Variants in CDH13 observed in about 807,000 individuals in gnomAD.
CDH13 encodes the protein cadherin 13.
A neutral mutation model predicts 63.8 loss-of-function variants in CDH13; 24 were observed. That is an observed-to-expected ratio of 0.38 (90% CI 0.27 to 0.53). CDH13 has a LOEUF of 0.53. Ranked by LOEUF, CDH13 falls within the 20% of genes least tolerant of loss-of-function variation. The pLI is 0.85. For missense variants in CDH13, 1,049 were observed against 903.1 expected (o/e 1.16, Z -2.07); for synonymous variants, 503 against 355.3 (o/e 1.42, Z -4.67).
At chr16:83,713,515 A>G (rs1216799511) in intron 10 of CDH13, among the ~76,000 whole-genome samples, 4 of 152,170 alleles carry the variant, frequency 2.6e-5, no homozygotes, top group Non-Finnish European at 5.9e-5. Flanking sequence ...TCACCAAAAA[A>G]AAAAAAAATT....
intron 1 of CDH13, among the ~76,000 whole-genome samples, chr16:82,700,804 C>G (rs955557359): frequency 1.3e-5 from 2 of 152,018 alleles, no homozygotes; most frequent in African/African-American, 2.4e-5. Context: ...TATGACTTCC[C>G]AATACATCAA....
At chr16:83,042,618 T>G (rs1400525832) in intron 3 of CDH13, among the ~76,000 whole-genome samples, 1 of 152,158 alleles carries the variant, frequency 6.6e-6, no homozygotes, top group Non-Finnish European at 1.5e-5. Flanking sequence ...ATGAACACCC[T>G]CAGTCCATGG....
intron 1 of CDH13, among the ~76,000 whole-genome samples, chr16:82,754,431 C>T (rs1388949948): frequency 6.6e-6 from 1 of 152,074 alleles, no homozygotes; most frequent in Non-Finnish European, 1.5e-5. Flanking sequence ...TAAAGTTATC[C>T]TAAAGAGAGC....
chr16:83,235,990 A>G (rs981075122), intron 5 of CDH13, among the ~76,000 whole-genome samples: 1 of 152,194 alleles, frequency 6.6e-6, no homozygotes, highest in African/African-American at 2.4e-5. Context: ...GATGCTTTAT[A>G]TAGCTTAGAT....
chr16:83,056,935 G>A (rs941330213), intron 3 of CDH13, among the ~76,000 whole-genome samples: 9 of 152,068 alleles, frequency 5.9e-5, no homozygotes, highest in African/African-American at 1.9e-4. Flanking sequence ...ATGTGGAACT[G>A]TGAGTCCATT....
chr16:82,876,917 A>C (rs1402933277), intron 2 of CDH13, among the ~76,000 whole-genome samples: 1 of 152,186 alleles, frequency 6.6e-6, no homozygotes, highest in African/African-American at 2.4e-5. Context: ...AGTATCTGGG[A>C]ACTATCTCAA....
At chr16:83,027,848 C>A (rs146456262) in intron 2 of CDH13, among the ~76,000 whole-genome samples, 3 of 152,138 alleles carry the variant, frequency 2.0e-5, no homozygotes, top group African/African-American at 7.2e-5. Flanking sequence ...GTTTTCTCTG[C>A]CTAAGTAATA....
chr16:82,837,605 C>A (rs2038823232), intron 1 of CDH13, among the ~76,000 whole-genome samples: 1 of 152,188 alleles, frequency 6.6e-6, no homozygotes, highest in Admixed American at 6.5e-5. Context: ...CCACAATCCC[C>A]TCCCAATGCA....
chr16:83,481,533 A>G lies in CDH13; in HGVS notation c.782-4944A>G, dbSNP rs1445162441. ...AAGAAACCAGGCGGCACTTGCTTTAATGAGAGAGCTGCAGTCAGGAGGAAG... is the reference window on the plus strand; with the variant it reads ...AAGAAACCAGGCGGCACTTGCTTTAGTGAGAGAGCTGCAGTCAGGAGGAAG... On this transcript the variant is annotated intron_variant, in intron 6 of 13. Transcript: ENST00000567109. Among the ~76,000 whole-genome samples, 5 of 152,300 alleles carry G rather than the reference A, an allele frequency of 3.3e-5. No homozygotes were observed. In the South Asian group the frequency reaches 1.0e-3, roughly 32 times the overall value.
chr16:82,841,387 C>T (rs1443483263), intron 1 of CDH13, among the ~76,000 whole-genome samples: 2 of 152,156 alleles, frequency 1.3e-5, no homozygotes, highest in African/African-American at 4.8e-5. Context: ...AGTCTGTGTT[C>T]TGAACAGTAC....
At chr16:82,815,828 C>T (rs1325578568) in intron 1 of CDH13, among the ~76,000 whole-genome samples, 1 of 152,124 alleles carries the variant, frequency 6.6e-6, no homozygotes, top group Non-Finnish European at 1.5e-5. Flanking sequence ...GCATTATATT[C>T]CAGATAGTTC....
chr16:83,196,394 T>A (rs1047726760), intron 4 of CDH13, among the ~76,000 whole-genome samples: 1 of 152,172 alleles, frequency 6.6e-6, no homozygotes, highest in African/African-American at 2.4e-5. Context: ...CTTATACTTG[T>A]CACAAACAGG....
At position 83,467,565 on chromosome 16, in the gene CDH13, C is replaced by A. The variant is rs537051184; in HGVS notation, c.782-18912C>A. Among the ~76,000 whole-genome samples, 5 of 152,328 alleles carry A rather than the reference C, an allele frequency of 3.3e-5. No homozygotes were observed. The South Asian group carries it at 1.0e-3, about 32-fold the overall frequency. ...GAACAGAACTGGCAACCGCTTCGTG[C>A]AGAGGAGTCTTCCTCCACGGAGTTG... On this transcript the variant is annotated intron_variant, in intron 6 of 13. Coordinates refer to ENST00000567109, the MANE Select transcript of CDH13 (RefSeq NM_001257.5).
chr16:82,706,442 G>A (rs578008776), intron 1 of CDH13, among the ~76,000 whole-genome samples: 1 of 152,298 alleles, frequency 6.6e-6, no homozygotes, highest in South Asian at 2.1e-4. Flanking sequence ...CCAGGGCAGA[G>A]TAGAAGGCCG....
At chr16:83,677,700 A>G (rs1229808380) in intron 9 of CDH13, among the ~76,000 whole-genome samples, 1 of 152,152 alleles carries the variant, frequency 6.6e-6, no homozygotes, top group Non-Finnish European at 1.5e-5. Context: ...CATTTGATCC[A>G]CTGTGATCAC....
chr16:83,615,713 C>A (rs1909226309), intron 8 of CDH13, among the ~76,000 whole-genome samples: 1 of 152,160 alleles, frequency 6.6e-6, no homozygotes, highest in South Asian at 2.1e-4. Context: ...TAGCAGTTTC[C>A]AACTCTGTAA....
chr16:83,279,028 G>GTAA, intron 5 of CDH13, among the ~76,000 whole-genome samples: 1 of 151,524 alleles, frequency 6.6e-6, no homozygotes, highest in Non-Finnish European at 1.5e-5. Flanking sequence ...ATTTTTTATT[G>GTAA]TAATGGGTGC....
intron 6 of CDH13, among the ~76,000 whole-genome samples, chr16:83,444,013 TGAAGGTGATGGC>T (rs1746012350): frequency 1.3e-5 from 2 of 149,286 alleles, no homozygotes; most frequent in Admixed American, 1.3e-4. Context: ...AAGACGGTGG[TGAAGGTGATGGC>T]GATGATCATG....
In CDH13 at chr16:83,582,759, A is replaced by C. The variant is rs571633103; in HGVS notation, c.961-19695A>C. Among the ~76,000 whole-genome samples, 39 of 152,316 alleles carry C rather than the reference A, an allele frequency of 2.6e-4. No homozygotes were observed. In the South Asian group the frequency reaches 7.3e-3, roughly 28 times the overall value. The stretch of plus-strand genomic sequence containing the variant: ...TCAGCGTTGACAGAGCTTCCTGAAG[A>C]CTGAGCTCTCTTGAAAATGTAAAAT... On this transcript the variant is annotated intron_variant, in intron 7 of 13. Coordinates refer to ENST00000567109, the MANE Select transcript of CDH13 (RefSeq NM_001257.5).
Sources: gnomAD v4.1 joint callset for allele counts (sites outside exome capture counted in the v4.1 genomes callset) on GRCh38, gnomAD v4.1.1 for gene constraint, MANE v1.5 for transcripts, NCBI Gene and HGNC (gene_info 2026-07-23, HGNC 2026-07-21) for gene names.